SNRNP40: variants seen among roughly 807,000 people sequenced by gnomAD.
The protein encoded by SNRNP40 is U5 small nuclear ribonucleoprotein 40 kDa protein.
SNRNP40 carries 21 observed loss-of-function variants against 45.8 expected under a neutral mutation model. The observed-to-expected ratio is 0.46, with a 90% confidence interval of 0.32 to 0.66. The LOEUF (loss-of-function observed/expected upper bound fraction) is 0.66, where lower values mean the gene tolerates loss of function less well. Among genes scored for constraint, SNRNP40 ranks in the 30% least tolerant of loss-of-function variants. The pLI, the probability that SNRNP40 is intolerant of heterozygous loss-of-function variation, is 0.03. For synonymous variants in SNRNP40, 142 were observed against 163.8 expected, an observed-to-expected ratio of 0.87 and a Z score of 1.01; for missense variants, 344 against 439.1, an observed-to-expected ratio of 0.78 and a Z score of 1.94.
At chr1:31,279,066 C>G (rs1645997798) in intron 5 of SNRNP40, among the ~76,000 whole-genome samples, 2 of 148,610 alleles carry the variant, frequency 1.3e-5, no homozygotes, top group African/African-American at 5.2e-5. Flanking sequence ...AAAAACCAGA[C>G]TATTAGGAAT....
At chr1:31,270,833 C>CT (rs1240730346) in intron 6 of SNRNP40, among the ~76,000 whole-genome samples, 1 of 152,144 alleles carries the variant, frequency 6.6e-6, no homozygotes, top group African/African-American at 2.4e-5. Flanking sequence ...AGTCACCTTA[C>CT]TTTTTTTCTG....
rs778665349 is a variant in SNRNP40, at chr1:31,261,658, G to GTA, written c.921-28_921-27dup. 4.6e-6 allele frequency: 7 copies of GTA among 1,511,866 alleles called. No individual in the cohort carries two copies. The South Asian group carries it at 7.9e-5, about 17-fold the overall frequency. 93.7% of individuals were successfully genotyped at this position (1,511,866 alleles called of 1,614,324 possible). A position where few individuals can be genotyped will look rare whatever the true frequency, so the allele number is the denominator to read the frequency against. The stretch of plus-strand genomic sequence containing the variant: ...CTGTAAGGTATCATGAAAAGCAAGG[G>GTA]TAAGTCCTCTTAGAGCTGGGGGTAG... On this transcript the variant is annotated intron_variant, in intron 8 of 9. Coordinates refer to ENST00000263694, the MANE Select transcript of SNRNP40 (RefSeq NM_004814.3).
intron 8 of SNRNP40, among the ~76,000 whole-genome samples, chr1:31,264,349 G>T (rs969228744): frequency 1.3e-5 from 2 of 152,124 alleles, no homozygotes; most frequent in Admixed American, 1.3e-4. Context: ...CTTCTTTCTT[G>T]TCATGCACAA....
In SNRNP40 at chr1:31,282,466, G is replaced by GCTATCTAT. The variant is rs745784092; in HGVS notation, c.532-978_532-971dup. 103 of 119,104 alleles carry GCTATCTAT rather than the reference G, an allele frequency of 8.6e-4. 3 individuals carry two copies. Among genetic ancestry groups the GCTATCTAT allele is most frequent in the Admixed American group, 1.0e-3 (11 of 10,634 alleles). The allele number at this position is 119,104 out of a possible 1,614,324, so 7.4% of individuals were successfully genotyped here. A position where few individuals can be genotyped will look rare whatever the true frequency, so the allele number is the denominator to read the frequency against. ...TTCGAAAAGCACCGACATATTCCTG[G>GCTATCTAT]CTATCTATCTATCTATGTATCTATC... On this transcript the variant is annotated intron_variant, in intron 4 of 9. Transcript: ENST00000263694.
chr1:31,261,156 T>C (rs1645856252), intron 9 of SNRNP40: 2 of 419,860 alleles, frequency 4.8e-6, no homozygotes, highest in Admixed American at 3.9e-5. Flanking sequence ...CCCTGACCAA[T>C]GCGGTGAAAC....
intron 4 of SNRNP40, 104 bp downstream of exon 4, chr1:31,289,150 C>T: frequency 9.6e-7 from 1 of 1,044,002 alleles, no homozygotes; most frequent in Middle Eastern, 2.1e-4. Context: ...GAGATGACTG[C>T]TAAAATTAAG....
chr1:31,284,694 C>CAT (rs1228352601), intron 4 of SNRNP40, among the ~76,000 whole-genome samples: 1 of 152,176 alleles, frequency 6.6e-6, no homozygotes, highest in Non-Finnish European at 1.5e-5. Flanking sequence ...TAGGGAAGGT[C>CAT]ATAGGCTTAA....
chr1:31,296,785 C>T lies in SNRNP40; in HGVS notation c.-34G>A. On this transcript the variant is annotated 5_prime_UTR_variant, in exon 1 of 10. Coordinates refer to ENST00000263694, the MANE Select transcript of SNRNP40 (RefSeq NM_004814.3). ...CCGGTCTCTTCAGCGCCGCCACTGACCGCGCTGCCGCTCTCAGGCGCCACG... is the reference window on the plus strand; with the variant it reads ...CCGGTCTCTTCAGCGCCGCCACTGATCGCGCTGCCGCTCTCAGGCGCCACG... 2 of 1,547,050 alleles carry T rather than the reference C, an allele frequency of 1.3e-6. No individual in the cohort carries two copies. The highest frequency in any genetic ancestry group is 1.7e-6 in the Non-Finnish European group (2 of 1,147,152).
In SNRNP40 at chr1:31,283,228, G is replaced by A. The variant is rs1646032614; in HGVS notation, c.532-1732C>T. On this transcript the variant is annotated intron_variant, in intron 4 of 9. Transcript: ENST00000263694. ...TTTAGGAAACTTGTGTCATTCACTA[G>A]CTGACCACTAAGCTAACGAAAAAAA... Among the ~76,000 whole-genome samples the A allele has an allele frequency of 2.0e-5, 3 of 152,190 alleles. No homozygotes were observed. In the South Asian group the frequency reaches 6.2e-4, roughly 31 times the overall value.
chr1:31,270,744 T>A (rs1645931887), intron 6 of SNRNP40, among the ~76,000 whole-genome samples: 1 of 152,176 alleles, frequency 6.6e-6, no homozygotes, highest in South Asian at 2.1e-4. Flanking sequence ...GGGAATACAT[T>A]TTAGTTCCTG....
chr1:31,276,078 G>T (rs774058535), intron 5 of SNRNP40, among the ~76,000 whole-genome samples: 2 of 152,130 alleles, frequency 1.3e-5, no homozygotes, highest in Non-Finnish European at 2.9e-5. Context: ...AAATGATGAT[G>T]ATAATGGCAG....
At chr1:31,268,307 G>A (rs1464012099) in intron 7 of SNRNP40, among the ~76,000 whole-genome samples, 2 of 147,544 alleles carry the variant, frequency 1.4e-5, no homozygotes, top group South Asian at 4.3e-4. Context: ...TTTTGAGACA[G>A]GGTCTCGCTC....
chr1:31,271,250 G>C, intron 6 of SNRNP40, 129 bp downstream of exon 6: 2 of 913,232 alleles, frequency 2.2e-6, no homozygotes, highest in Non-Finnish European at 3.3e-6. Context: ...TGAGACTACA[G>C]TCCTAGATTC....
At chr1:31,278,205 T>G (rs1645989743) in intron 5 of SNRNP40, among the ~76,000 whole-genome samples, 1 of 152,196 alleles carries the variant, frequency 6.6e-6, no homozygotes, top group South Asian at 2.1e-4. Context: ...TTATTTAAGC[T>G]GTGAGAATTT....
chr1:31,283,431 T>TTA (rs1646034340), intron 4 of SNRNP40, among the ~76,000 whole-genome samples: 1 of 152,022 alleles, frequency 6.6e-6, no homozygotes, highest in Non-Finnish European at 1.5e-5. Context: ...GGTAAAACCT[T>TTA]GTTTCTACTA....
At position 31,263,341 on chromosome 1, in the gene SNRNP40, A is replaced by AT. The variant is rs35912395; in HGVS notation, c.921-1710dup. 5.6e-3 allele frequency: 753 copies of AT among 135,488 alleles called. 23 individuals are homozygous for AT. The highest frequency in any genetic ancestry group is 9.7e-3 in the African/African-American group (358 of 36,884). 8.4% of individuals were successfully genotyped at this position (135,488 alleles called of 1,614,324 possible). A position where few individuals can be genotyped will look rare whatever the true frequency, so the allele number is the denominator to read the frequency against. ...AGAATCTTTTTGTTTTTCTCAATTAATTTTTTTTTTTTTTTTTTGTAGAGA... is the reference window on the plus strand; with the variant it reads ...AGAATCTTTTTGTTTTTCTCAATTAATTTTTTTTTTTTTTTTTTTGTAGAGA... On this transcript the variant is annotated intron_variant, in intron 8 of 9. Transcript: ENST00000263694.
intron 9 of SNRNP40, chr1:31,261,286 G>C: frequency 2.1e-6 from 1 of 486,838 alleles, no homozygotes; most frequent in Non-Finnish European, 3.7e-6. Flanking sequence ...AGGAGGCAGA[G>C]GTTGCAGTGA....
intron 8 of SNRNP40, among the ~76,000 whole-genome samples, chr1:31,266,294 C>G (rs1236436938): frequency 1.3e-5 from 2 of 152,150 alleles, no homozygotes; most frequent in African/African-American, 4.8e-5. Context: ...AGAAAGTCTT[C>G]CTATTTATAG....
rs1391316963 is a variant in SNRNP40, at chr1:31,289,374, A to C, written c.411T>G (p.Asp137Glu). The C allele has an allele frequency of 6.2e-7, 1 of 1,614,148 alleles. No homozygotes were observed. Among genetic ancestry groups the C allele is most frequent in the Non-Finnish European group, 8.5e-7 (1 of 1,179,962 alleles). Residue 137 changes from aspartate to glutamate, a missense_variant, in exon 4 of 10, where the codon GAT becomes GAG. By Grantham distance (45) the Asp-to-Glu change is conservative (BLOSUM62 2). Around this residue, in one of 2 missense-constraint regions of SNRNP40, gnomAD observed 254 missense variants for 380.2 expected, o/e 0.67. Transcript: ENST00000263694. ...TTTTAACCCTCTCACCTGTTTCACT[A>C]TCCCACACAGCCACGGTTTTATCTG... ...ASTDKTVAVWDSETGERVKRL... is the reference protein window; with the variant it reads ...ASTDKTVAVWESETGERVKRL...
Sources: allele counts gnomAD v4.1 joint callset (sites outside exome capture counted in the v4.1 genomes callset), GRCh38; gene constraint gnomAD v4.1.1; regional missense constraint gnomAD v4.1.1; transcripts MANE v1.5; gene names NCBI Gene and HGNC (gene_info 2026-07-23, HGNC 2026-07-21).